Variants in FARP1 observed in about 807,000 individuals in gnomAD.
FARP1 encodes FERM, ARH/RhoGEF and pleckstrin domain protein 1.
Under a neutral mutation model 128.8 loss-of-function variants are expected in FARP1, and 52 were observed. That is an observed-to-expected ratio of 0.40 (90% CI 0.32 to 0.51). The LOEUF (loss-of-function observed/expected upper bound fraction) is 0.51. Among genes scored for constraint, FARP1 ranks in the 20% least tolerant of loss-of-function variants. The pLI is 0.45. For synonymous variants in FARP1, 580 were observed against 551.8 expected (o/e 1.05, Z -0.72); for missense variants, 1,333 against 1,367.9 (o/e 0.97, Z 0.40).
chr13:98,358,878 T>G (rs1286328279), intron 3 of FARP1, among the ~76,000 whole-genome samples: 1 of 152,124 alleles, frequency 6.6e-6, no homozygotes, highest in African/African-American at 2.4e-5. Context: ...ACCTTGTGAT[T>G]CGCCTGCCTC....
At chr13:98,241,875 C>G (rs747044225) in intron 2 of FARP1, among the ~76,000 whole-genome samples, 1 of 152,024 alleles carries the variant, frequency 6.6e-6, no homozygotes, top group Non-Finnish European at 1.5e-5. Flanking sequence ...GCCGAGATTG[C>G]GCCACTGCAC....
intron 1 of FARP1, among the ~76,000 whole-genome samples, chr13:98,174,944 G>A (rs1418161062): frequency 6.6e-6 from 1 of 152,122 alleles, no homozygotes; most frequent in Non-Finnish European, 1.5e-5. Flanking sequence ...CCACGGCTCT[G>A]CTTTTGTCTG....
chr13:98,353,719 A>G (rs1017900052), intron 3 of FARP1, among the ~76,000 whole-genome samples: 1 of 152,168 alleles, frequency 6.6e-6, no homozygotes, highest in Admixed American at 6.6e-5. Flanking sequence ...TTAATATTAA[A>G]TATTTTTTAA....
At chr13:98,424,448 A>T in intron 16 of FARP1, 124 bp from the exon 17 acceptor site, 4 of 693,556 alleles carry the variant, frequency 5.8e-6, no homozygotes, top group Non-Finnish European at 1.1e-5. Context: ...TGACCCCATA[A>T]GAAGTTCAGG....
rs1893068775 is a variant in FARP1 at position 98,449,320 on chromosome 13, A to AAAAC, written c.*1005_*1008dup. On this transcript the variant is annotated 3_prime_UTR_variant, in exon 27 of 27. Coordinates refer to ENST00000319562, the MANE Select transcript of FARP1 (RefSeq NM_005766.4). ...GTAGTATATATCGTGCCTGTCTTCA[A>AAAAC]AAACATTTCCCTTTTTATACTCATT... 1 of 152,218 alleles carries AAAAC rather than the reference A, an allele frequency of 6.6e-6. No homozygotes were observed. Among genetic ancestry groups the AAAAC allele is most frequent in the African/African-American group, 2.4e-5 (1 of 41,450 alleles). 9.4% of individuals were successfully genotyped at this position (152,218 alleles called of 1,614,324 possible). A position where few individuals can be genotyped will look rare whatever the true frequency, so the allele number is the denominator to read the frequency against.
intron 2 of FARP1, among the ~76,000 whole-genome samples, chr13:98,219,778 C>T (rs1197346787): frequency 2.6e-5 from 4 of 152,194 alleles, no homozygotes; most frequent in Non-Finnish European, 4.4e-5. Flanking sequence ...GGGCCTCCCA[C>T]CACAGTCCCC....
intron 2 of FARP1, among the ~76,000 whole-genome samples, chr13:98,241,043 G>A (rs1422076587): frequency 1.3e-5 from 2 of 152,232 alleles, no homozygotes; most frequent in East Asian, 1.9e-4. Flanking sequence ...AATCCAGCAC[G>A]CGCACATGGC....
intron 2 of FARP1, among the ~76,000 whole-genome samples, chr13:98,295,830 A>G (rs1439523828): frequency 2.0e-5 from 3 of 152,230 alleles, no homozygotes; most frequent in Non-Finnish European, 4.4e-5. Context: ...AGACTGGGGT[A>G]TGTATGCATG....
intron 1 of FARP1, among the ~76,000 whole-genome samples, chr13:98,153,164 G>GA (rs1249555350): frequency 1.3e-5 from 2 of 150,828 alleles, no homozygotes; most frequent in African/African-American, 4.9e-5. Flanking sequence ...GATCCAAGTG[G>GA]AGTGAGCTGT....
intron 2 of FARP1, among the ~76,000 whole-genome samples, chr13:98,251,287 A>C (rs80144170): frequency 6.6e-6 from 1 of 152,212 alleles, no homozygotes; most frequent in Admixed American, 6.5e-5. Flanking sequence ...GCGGGGCCAC[A>C]GTTCATATCT....
At chr13:98,275,970 T>C (rs1258122908) in intron 2 of FARP1, among the ~76,000 whole-genome samples, 1 of 152,144 alleles carries the variant, frequency 6.6e-6, no homozygotes, top group Non-Finnish European at 1.5e-5. Flanking sequence ...TCGGCGGGGG[T>C]ATGATGGATG....
At chr13:98,344,979 T>A (rs1196314387) in intron 3 of FARP1, among the ~76,000 whole-genome samples, 1 of 152,188 alleles carries the variant, frequency 6.6e-6, no homozygotes, top group African/African-American at 2.4e-5. Context: ...GTGTCTGGCA[T>A]CAGACTTCAC....
intron 18 of FARP1, chr13:98,435,302 A>G (rs1183767592): frequency 3.1e-5 from 8 of 256,822 alleles, no homozygotes; most frequent in African/African-American, 1.3e-4. Flanking sequence ...TTTCCCCTCT[A>G]AGCCAACAGG....
At chr13:98,170,519 G>C (rs1295333438) in intron 1 of FARP1, among the ~76,000 whole-genome samples, 1 of 152,096 alleles carries the variant, frequency 6.6e-6, no homozygotes, top group Non-Finnish European at 1.5e-5. Context: ...ACCACGCCCG[G>C]CTAATTTTTT....
At chr13:98,165,038 A>G (rs1342940327) in intron 1 of FARP1, among the ~76,000 whole-genome samples, 1 of 151,970 alleles carries the variant, frequency 6.6e-6, no homozygotes, top group Non-Finnish European at 1.5e-5. Flanking sequence ...AGCATGGCAA[A>G]ACCCTGTCTT....
In FARP1 at chr13:98,446,571, G is replaced by T; in HGVS notation, c.2905-95G>T. 2.3e-6 allele frequency: 3 copies of T among 1,331,730 alleles called. No individual in the cohort carries two copies. In the South Asian group the frequency reaches 3.9e-5, roughly 17 times the overall value. The allele number at this position is 1,331,730 out of a possible 1,614,324, so 82.5% of individuals were successfully genotyped here. On this transcript the variant is annotated intron_variant, in intron 25 of 26. Transcript: ENST00000319562. Reference sequence around the variant, plus strand: ...CCCACGCCCGAGGAGGGAGCTGCCTGGGCTCCCAAGTCCCTGTCTGATGCG... The same window carrying T: ...CCCACGCCCGAGGAGGGAGCTGCCTTGGCTCCCAAGTCCCTGTCTGATGCG...
At chr13:98,299,301 T>G (rs1161365757) in intron 2 of FARP1, among the ~76,000 whole-genome samples, 1 of 152,096 alleles carries the variant, frequency 6.6e-6, no homozygotes, top group Non-Finnish European at 1.5e-5. Flanking sequence ...CCTTTTCTCT[T>G]CCTCTCTATC....
chr13:98,359,883 A>G (rs558319571), intron 3 of FARP1, among the ~76,000 whole-genome samples: 1 of 152,338 alleles, frequency 6.6e-6, no homozygotes, highest in South Asian at 2.1e-4. Context: ...GGAAGGTAGC[A>G]TTAACAGGGC....
In FARP1 at chr13:98,453,221, GA is replaced by G; in HGVS notation, c.*4905del. 1 of 1,513,862 alleles carries G rather than the reference GA, an allele frequency of 6.6e-7. No homozygotes were observed. The highest frequency in any genetic ancestry group is 9.0e-7 in the Non-Finnish European group (1 of 1,109,942). 93.8% of individuals were successfully genotyped at this position (1,513,862 alleles called of 1,614,324 possible). ...CACTTAGAGAGTATCTAGGGAAAAA[GA>G]GAGAGAGAGAAGTCAACACATGTCA... On this transcript the variant is annotated 3_prime_UTR_variant, in exon 27 of 27. Coordinates refer to ENST00000319562, the MANE Select transcript of FARP1 (RefSeq NM_005766.4).
Sources: gnomAD v4.1 joint callset for allele counts (sites outside exome capture counted in the v4.1 genomes callset) on GRCh38, gnomAD v4.1.1 for gene constraint, MANE v1.5 for transcripts, NCBI Gene and HGNC (gene_info 2026-07-23, HGNC 2026-07-21) for gene names.